Variants in RBL1 observed in about 807,000 individuals in gnomAD.
The protein encoded by RBL1 is RB transcriptional corepressor like 1, also known as retinoblastoma-like protein 1.
In RBL1, 82 loss-of-function variants were observed where a neutral mutation model predicts 123.0. That is an observed-to-expected ratio of 0.67 (90% CI 0.56 to 0.80). The LOEUF (loss-of-function observed/expected upper bound fraction) is 0.80. Among genes scored for constraint, RBL1 ranks in the 30% least tolerant of loss-of-function variants. RBL1 has a pLI of 0.00. For synonymous variants in RBL1, 405 were observed against 441.3 expected (o/e 0.92, Z 1.03); for missense variants, 1,171 against 1,299.6 (o/e 0.90, Z 1.52).
chr20:37,016,041 T>G (rs1600467828), intron 19 of RBL1, among the ~76,000 whole-genome samples: 2 of 148,058 alleles, frequency 1.4e-5, no homozygotes, highest in South Asian at 4.4e-4. Context: ...TTTTTTTTTT[T>G]TCTTGAGATG....
intron 7 of RBL1, among the ~76,000 whole-genome samples, chr20:37,064,994 C>A (rs2065156509): frequency 6.7e-6 from 1 of 149,404 alleles, no homozygotes; most frequent in Non-Finnish European, 1.5e-5. Flanking sequence ...TGCAGTGGTG[C>A]AATCACGGCT....
intron 2 of RBL1, among the ~76,000 whole-genome samples, chr20:37,086,268 T>G (rs1474555880): frequency 6.6e-6 from 1 of 152,200 alleles, no homozygotes; most frequent in African/African-American, 2.4e-5. Flanking sequence ...TCTTATTTTA[T>G]TTTTAGAACC....
rs947035888 is a variant in RBL1, at chr20:37,095,853, G to A, written c.76C>T (p.Gln26Ter). Reference sequence around the variant, plus strand: ...CTCCCCTCGTCCAGGTTCAGCTCCTGGCACAGGGCCTGTAGCGCCTCCCCG... The same window carrying A: ...CTCCCCTCGTCCAGGTTCAGCTCCTAGCACAGGGCCTGTAGCGCCTCCCCG... The part of the protein sequence containing the change: ...AAGEALQALC[Q>*]ELNLDEGSAA... The change falls in exon 1 of 22, where the codon CAG becomes TAG. Residue 26 changes from glutamine (Q) to a stop codon, truncating the protein, a stop_gained. Coordinates refer to ENST00000373664, the MANE Select transcript of RBL1 (RefSeq NM_002895.5). LOFTEE classifies it high-confidence loss of function. 1.6e-5 allele frequency: 25 copies of A among 1,608,248 alleles called. No individual in the cohort carries two copies. The highest frequency in any genetic ancestry group is 1.9e-5 in the Non-Finnish European group (22 of 1,178,304).
chr20:37,002,804 G>A (rs2064010308), intron 21 of RBL1, among the ~76,000 whole-genome samples: 1 of 151,270 alleles, frequency 6.6e-6, no homozygotes, highest in Non-Finnish European at 1.5e-5. Flanking sequence ...TGCAACCTCC[G>A]CCTGCCGGGT....
rs1234646828 is a variant in RBL1 at position 37,095,845 on chromosome 20, C to G, written c.84G>C (p.Leu28=). ...GEALQALCQE[L]NLDEGSAAEA... ...CGGCCGCGCTCCCCTCGTCCAGGTT[C>G]AGCTCCTGGCACAGGGCCTGTAGCG... The change falls in exon 1 of 22, where the codon CTG becomes CTC. Residue 28 remains leucine (L), a synonymous_variant. Coordinates refer to ENST00000373664, the MANE Select transcript of RBL1 (RefSeq NM_002895.5). 2 of 1,608,342 alleles carry G rather than the reference C, an allele frequency of 1.2e-6. No homozygotes were observed. Among genetic ancestry groups the G allele is most frequent in the Non-Finnish European group, 8.5e-7 (1 of 1,178,240 alleles).
chr20:37,012,109 C>T (rs2064159312), intron 19 of RBL1, among the ~76,000 whole-genome samples: 1 of 152,226 alleles, frequency 6.6e-6, no homozygotes, highest in Admixed American at 6.5e-5. Context: ...GAGTGATCCG[C>T]CAGCCTCGGC....
At chr20:37,007,617 G>C in intron 19 of RBL1, 58 bp from the exon 20 acceptor site, 2 of 1,545,596 alleles carry the variant, frequency 1.3e-6, no homozygotes, top group South Asian at 1.2e-5. Flanking sequence ...TTTTGAGACA[G>C]GGTCTCACTT....
chr20:37,063,000 C>T (rs1053804130), intron 7 of RBL1, among the ~76,000 whole-genome samples: 1 of 152,170 alleles, frequency 6.6e-6, no homozygotes, highest in African/African-American at 2.4e-5. Context: ...AATATGGGCA[C>T]TGCCAACATG....
At chr20:37,009,687 T>C (rs890879031) in intron 19 of RBL1, among the ~76,000 whole-genome samples, 3 of 149,788 alleles carry the variant, frequency 2.0e-5, no homozygotes, top group Non-Finnish European at 4.5e-5. Flanking sequence ...CTCCTTAGAT[T>C]AGAAATTTCT....
At chr20:37,004,246 C>T (rs888541622) in intron 20 of RBL1, among the ~76,000 whole-genome samples, 5 of 151,382 alleles carry the variant, frequency 3.3e-5, no homozygotes, top group Admixed American at 1.3e-4. Flanking sequence ...TGTGCCACCA[C>T]GCCCGGTTAA....
chr20:37,049,519 AAGAG>A (rs1264875885), intron 11 of RBL1: 1 of 755,666 alleles, frequency 1.3e-6, no homozygotes, highest in African/African-American at 1.7e-5. Context: ...GAGTAAGCAC[AAGAG>A]AAAGAAGGTT....
At chr20:37,072,978 G>T (rs2065305550) in intron 2 of RBL1, among the ~76,000 whole-genome samples, 1 of 151,970 alleles carries the variant, frequency 6.6e-6, no homozygotes, top group South Asian at 2.1e-4. Context: ...TTGAGATAGG[G>T]TCCCGCTCTG....
chr20:37,045,811 T>C (rs890240092), intron 12 of RBL1, among the ~76,000 whole-genome samples: 1 of 152,178 alleles, frequency 6.6e-6, no homozygotes, highest in African/African-American at 2.4e-5. Context: ...TCCAATGACC[T>C]GCATTTTCTA....
At chr20:37,054,106 GTAACCAT>G (rs2064965500) in intron 11 of RBL1, among the ~76,000 whole-genome samples, 1 of 151,866 alleles carries the variant, frequency 6.6e-6, no homozygotes, top group African/African-American at 2.4e-5. Flanking sequence ...ATATAAAATT[GTAACCAT>G]TAGGGAAACT....
rs1240691249 is a variant in RBL1, at chr20:37,056,162, C to CTGTTCA, written c.1341_1346dup (p.Glu448_Gln449insHisGlu). 2 of 1,608,022 alleles carry CTGTTCA rather than the reference C, an allele frequency of 1.2e-6. No homozygotes were observed. The highest frequency in any genetic ancestry group is 2.2e-5 in the South Asian group (2 of 89,926). On this transcript the variant is annotated inframe_insertion, in exon 10 of 22. Coordinates refer to ENST00000373664, the MANE Select transcript of RBL1 (RefSeq NM_002895.5). ...TTTTCTTACCTATGTGAGATCCTGG[C>CTGTTCA]TGTTCATCTGTTGATTGAGTATAGT...
At chr20:37,045,081 C>CTTATTTATTTAT (rs373003508) in intron 12 of RBL1, among the ~76,000 whole-genome samples, 32 of 146,228 alleles carry the variant, frequency 2.2e-4, no homozygotes, top group East Asian at 1.2e-3. Context: ...CATTTATTTA[C>CTTATTTATTTAT]TTATTTATTT....
chr20:36,997,226 CACTGAAAAAAGCATCCCTAGT>C lies in RBL1; in HGVS notation c.*1512_*1532del. On this transcript the variant is annotated 3_prime_UTR_variant, in exon 22 of 22. Transcript: ENST00000373664. ...CCCTAGTACTGAAAAGCATCCCTAG[CACTGAAAAAAGCATCCCTAGT>C]ACTGAAAAGCATCCCTAACACTGAA... The C allele has an allele frequency of 6.6e-6, 1 of 151,922 alleles. No individual in the cohort carries two copies. The highest frequency in any genetic ancestry group is 3.4e-3 in the Middle Eastern group (1 of 290). The allele number at this position is 151,922 out of a possible 1,614,324, so 9.4% of individuals were successfully genotyped here.
chr20:37,082,063 C>G, intron 2 of RBL1: 2 of 454,808 alleles, frequency 4.4e-6, no homozygotes, highest in South Asian at 3.1e-5. Context: ...GTCTCTATGC[C>G]GGGGGAGCCT....
chr20:37,052,218 A>G (rs2064927180), intron 11 of RBL1, among the ~76,000 whole-genome samples: 1 of 150,864 alleles, frequency 6.6e-6, no homozygotes, highest in Non-Finnish European at 1.5e-5. Flanking sequence ...TTTTTAGTAG[A>G]GATGGGGTTT....
Sources: allele counts gnomAD v4.1 joint callset (sites outside exome capture counted in the v4.1 genomes callset), GRCh38; gene constraint gnomAD v4.1.1; transcripts MANE v1.5; gene names NCBI Gene and HGNC (gene_info 2026-07-23, HGNC 2026-07-21).